The following RFT1 variants were observed in gnomAD, a reference collection of about 807,000 sequenced individuals.
RFT1 encodes man(5)GlcNAc(2)-PP-dolichol translocation protein RFT1.
Under a neutral mutation model 62.2 loss-of-function variants are expected in RFT1, and 43 were observed. That is an observed-to-expected ratio of 0.69 (90% CI 0.54 to 0.89). RFT1 has a LOEUF of 0.89. Ranked by LOEUF, RFT1 falls within the 40% of genes least tolerant of loss-of-function variation. The pLI, the probability that RFT1 is intolerant of heterozygous loss-of-function variation, is 0.00. For missense variants in RFT1, 605 were observed against 649.9 expected (o/e 0.93, Z 0.75); for synonymous variants, 262 against 264.6 (o/e 0.99, Z 0.10).
At chr3:53,107,008 T>A in intron 7 of RFT1, 139 bp from the exon 8 acceptor site, 1 of 682,494 alleles carries the variant, frequency 1.5e-6, no homozygotes, top group Non-Finnish European at 2.7e-6. Context: ...CATGTCCTTG[T>A]CCTAATGTTG....
At chr3:53,071,236 G>C in the RFT1 span, among the ~76,000 whole-genome samples, 1 of 152,154 alleles carries the variant, frequency 6.6e-6, no homozygotes, top group East Asian at 1.9e-4. Flanking sequence ...CGGAAGCTAA[G>C]GAGACCAGTG....
At chr3:53,113,966 A>G (rs1425848947) in intron 6 of RFT1, among the ~76,000 whole-genome samples, 1 of 152,228 alleles carries the variant, frequency 6.6e-6, no homozygotes, top group Non-Finnish European at 1.5e-5. Context: ...AGGGAATCAG[A>G]GAACCTAGAG....
chr3:53,123,986 C>T, intron 2 of RFT1, 146 bp from the exon 3 acceptor site: 1 of 673,250 alleles, frequency 1.5e-6, no homozygotes, highest in East Asian at 2.8e-5. Context: ...TTACAGGACC[C>T]CCTACCGGTC....
At chr3:53,124,603 G>T (rs764457362) in intron 2 of RFT1, among the ~76,000 whole-genome samples, 1 of 152,174 alleles carries the variant, frequency 6.6e-6, no homozygotes, top group Non-Finnish European at 1.5e-5. Flanking sequence ...TCTCAGGAAG[G>T]CTGCCTGGGG....
At chr3:53,103,908 T>C in intron 10 of RFT1, 45 bp downstream of exon 10, 5 of 1,611,564 alleles carry the variant, frequency 3.1e-6, no homozygotes, top group Non-Finnish European at 4.2e-6. Context: ...CTCTTCTATT[T>C]ATGTTGGGAA....
intron 11 of RFT1, among the ~76,000 whole-genome samples, chr3:53,096,981 G>A (rs561614786): frequency 6.6e-6 from 1 of 152,218 alleles, no homozygotes; most frequent in Non-Finnish European, 1.5e-5. Context: ...CTGACCTCAG[G>A]TGATCCACCT....
At position 53,088,853 on chromosome 3, in the gene RFT1, T is replaced by G. The variant is rs1700915511; in HGVS notation, c.*3050A>C. ...GACCTTGTCTCTGAAAAGAAAAGAA[T>G]AGGCCAGGAGCGGTGGCTCACGCCT... On this transcript the variant is annotated 3_prime_UTR_variant, in exon 13 of 13. Transcript: ENST00000296292. The G allele has an allele frequency of 6.9e-6, 1 of 145,558 alleles. No homozygotes were observed. The highest frequency in any genetic ancestry group is 1.5e-5 in the Non-Finnish European group (1 of 66,974). The allele number at this position is 145,558 out of a possible 1,614,324, so 9.0% of individuals were successfully genotyped here.
chr3:53,121,940 C>T lies in RFT1; in HGVS notation c.457-140G>A, dbSNP rs1390057745. On this transcript the variant is annotated intron_variant, in intron 4 of 12. Transcript: ENST00000296292. ...CACAGCTGGACATAAGTATCAGTAA[C>T]GTTTTACTTCTTGGGTAGGGTGGTG... The T allele has an allele frequency of 2.8e-5, 20 of 714,268 alleles. 1 individual carries two copies. Among genetic ancestry groups the T allele is most frequent in the South Asian group, 6.0e-5 (4 of 66,332 alleles). The allele number at this position is 714,268 out of a possible 1,614,324, so 44.2% of individuals were successfully genotyped here.
At chr3:53,068,166 G>T in the RFT1 span, among the ~76,000 whole-genome samples, 1 of 152,012 alleles carries the variant, frequency 6.6e-6, no homozygotes, top group African/African-American at 2.4e-5. Context: ...GACCTTAGTA[G>T]ACCCTCACAA....
downstream of RFT1, among the ~76,000 whole-genome samples, chr3:53,086,686 A>G (rs925945696): frequency 1.3e-5 from 2 of 152,018 alleles, no homozygotes; most frequent in Non-Finnish European, 2.9e-5. Context: ...CTGATACTTG[A>G]GCCTTAGCTC....
At chr3:53,070,432 C>T in the RFT1 span, among the ~76,000 whole-genome samples, 1 of 110,050 alleles carries the variant, frequency 9.1e-6, no homozygotes, top group Non-Finnish European at 1.7e-5. Context: ...GACGGAGTCT[C>T]ACTCTGTCGC....
the RFT1 span, among the ~76,000 whole-genome samples, chr3:53,082,448 C>T: frequency 6.6e-6 from 1 of 151,688 alleles, no homozygotes; most frequent in Non-Finnish European, 1.5e-5. Flanking sequence ...GCACTCCAGC[C>T]TGGGTGATAG....
intron 2 of RFT1, among the ~76,000 whole-genome samples, chr3:53,125,398 C>T (rs1290677084): frequency 6.6e-6 from 1 of 152,204 alleles, no homozygotes; most frequent in Non-Finnish European, 1.5e-5. Flanking sequence ...ACAAAGAAGT[C>T]ATCTTTCCAA....
At chr3:53,105,329 G>C (rs1028179898) in intron 9 of RFT1, among the ~76,000 whole-genome samples, 1 of 151,978 alleles carries the variant, frequency 6.6e-6, no homozygotes, top group Non-Finnish European at 1.5e-5. Context: ...CAGGAGAATC[G>C]TTTGAACCTG....
At chr3:53,067,018 C>G in the RFT1 span, among the ~76,000 whole-genome samples, 5 of 152,250 alleles carry the variant, frequency 3.3e-5, no homozygotes, top group Middle Eastern at 0.017. Context: ...CACAGGGCAG[C>G]GTGGAGGAAT....
intron 3 of RFT1, 37 bp downstream of exon 3, chr3:53,123,687 C>G: frequency 6.6e-7 from 1 of 1,505,542 alleles, no homozygotes; most frequent in Non-Finnish European, 9.3e-7. Flanking sequence ...CTACACCTGC[C>G]TTCCTGAAAC....
intron 9 of RFT1, 83 bp from the exon 10 acceptor site, chr3:53,104,180 T>G (rs1701399290): frequency 6.9e-7 from 1 of 1,443,388 alleles, no homozygotes; most frequent in African/African-American, 1.4e-5. Context: ...CCTTCTCCCT[T>G]CACTGTTTTA....
the RFT1 span, among the ~76,000 whole-genome samples, chr3:53,068,150 G>GATGCA: frequency 6.6e-4 from 101 of 152,262 alleles, no homozygotes; most frequent in Middle Eastern, 6.8e-3. Flanking sequence ...GGAGGGGACA[G>GATGCA]GGCTTGACCT....
the RFT1 span, among the ~76,000 whole-genome samples, chr3:53,073,269 G>C: frequency 2.0e-5 from 3 of 152,250 alleles, no homozygotes; most frequent in Non-Finnish European, 4.4e-5. Flanking sequence ...CCCCGTTACA[G>C]CCTCTGCCGT....
Sources: gnomAD v4.1 joint callset for allele counts (sites outside exome capture counted in the v4.1 genomes callset) on GRCh38, gnomAD v4.1.1 for gene constraint, MANE v1.5 for transcripts, NCBI Gene and HGNC (gene_info 2026-07-23, HGNC 2026-07-21) for gene names.